TEX19: variants seen among roughly 807,000 people sequenced by gnomAD.
The protein encoded by TEX19 is testis-expressed protein 19.
For synonymous variants in TEX19, 77 were observed against 73.9 expected (o/e 1.04, Z -0.21); for missense variants, 184 against 194.4 (o/e 0.95, Z 0.32).
chr17:82,361,915 A>G lies in TEX19; in HGVS notation c.-236A>G. On this transcript the variant is annotated 5_prime_UTR_variant, in exon 2 of 2. Coordinates refer to ENST00000333437, the MANE Select transcript of TEX19 (RefSeq NM_207459.4). ...ACCACAGCAACTGCAGAAGCTGAAG[A>G]CATTTCCAGAAGTTCAAGCTTCCAC... The G allele has an allele frequency of 2.7e-6, 2 of 743,658 alleles. No homozygotes were observed. Among genetic ancestry groups the G allele is most frequent in the East Asian group, 3.2e-5 (1 of 31,528 alleles). The allele number at this position is 743,658 out of a possible 1,614,324, so 46.1% of individuals were successfully genotyped here. A position where few individuals can be genotyped will look rare whatever the true frequency, so the allele number is the denominator to read the frequency against.
rs1294350206 is a variant in TEX19, at chr17:82,362,103, A to G, written c.-48A>G. ...GGCCAGACCGTCCAAGATCCTCTGA[A>G]GGCCCAGCTCTTGCTGTCCACCCCG... On this transcript the variant is annotated 5_prime_UTR_variant, in exon 2 of 2. Coordinates refer to ENST00000333437, the MANE Select transcript of TEX19 (RefSeq NM_207459.4). The surrounding 1 kb of genome is among the most constrained non-coding windows in gnomAD (Gnocchi z 5.5). 3 of 1,560,216 alleles carry G rather than the reference A, an allele frequency of 1.9e-6. No individual in the cohort carries two copies. The highest frequency in any genetic ancestry group is 1.7e-6 in the Non-Finnish European group (2 of 1,157,094).
At chr17:82,359,437 GGTTCTCCAAGTTCCCTCAAA>G (rs1348165122) in intron 1 of TEX19, among the ~76,000 whole-genome samples, 152 bp downstream of exon 1, 73 of 138,362 alleles carry the variant, frequency 5.3e-4, no homozygotes, top group African/African-American at 1.9e-3. Flanking sequence ...GGTTCCCTAA[GGTTCTCCAAGTTCCCTCAAA>G]TTTCCCTCAG....
chr17:82,360,756 G>A (rs1353894989), intron 1 of TEX19, among the ~76,000 whole-genome samples: 2 of 88,240 alleles, frequency 2.3e-5, no homozygotes, highest in Admixed American at 1.2e-4. Context: ...GTTTCCCTCA[G>A]GTTCCCCCAG....
chr17:82,362,125 C>T lies in TEX19; in HGVS notation c.-26C>T. Reference sequence around the variant, plus strand: ...TGAAGGCCCAGCTCTTGCTGTCCACCCCGGCAGTAGGCAGGCAGCCTGGCC... The same window carrying T: ...TGAAGGCCCAGCTCTTGCTGTCCACTCCGGCAGTAGGCAGGCAGCCTGGCC... On this transcript the variant is annotated 5_prime_UTR_variant, in exon 2 of 2. Coordinates refer to ENST00000333437, the MANE Select transcript of TEX19 (RefSeq NM_207459.4). This position sits in a 1 kb window ranked among gnomAD's most constrained non-coding sequence, Gnocchi z 5.5. The T allele has an allele frequency of 6.3e-7, 1 of 1,578,886 alleles. No individual in the cohort carries two copies. Among genetic ancestry groups the T allele is most frequent in the South Asian group, 1.2e-5 (1 of 83,910 alleles).
Position 82,362,137 on chromosome 17 carries a change from C to CA in TEX19, c.-13dup. ...TCTTGCTGTCCACCCCGGCAGTAGG[C>CA]AGGCAGCCTGGCCATGTGCCCTCCG... On this transcript the variant is annotated 5_prime_UTR_variant, in exon 2 of 2. Coordinates refer to ENST00000333437, the MANE Select transcript of TEX19 (RefSeq NM_207459.4). This position sits in a 1 kb window ranked among gnomAD's most constrained non-coding sequence, Gnocchi z 5.5. 2.5e-6 allele frequency: 4 copies of CA among 1,588,334 alleles called. No individual in the cohort carries two copies. Among genetic ancestry groups the CA allele is most frequent in the African/African-American group, 1.3e-5 (1 of 74,792 alleles).
intron 1 of TEX19, chr17:82,361,577 C>T (rs1336448411): frequency 1.0e-6 from 1 of 977,558 alleles, no homozygotes; most frequent in African/African-American, 1.8e-5. Flanking sequence ...CAGTTTCCTT[C>T]AGGTTCCCTC....
At chr17:82,361,239 T>G (rs796789980) in intron 1 of TEX19, among the ~76,000 whole-genome samples, 3 of 43,934 alleles carry the variant, frequency 6.8e-5, no homozygotes, top group African/African-American at 2.3e-4. Context: ...TTTCCCCCAG[T>G]TTCCCTCAAG....
chr17:82,359,294 T>G lies in TEX19; in HGVS notation c.-272+9T>G, dbSNP rs1014780245. On this transcript the variant is annotated intron_variant, in intron 1 of 1. Coordinates refer to ENST00000333437, the MANE Select transcript of TEX19 (RefSeq NM_207459.4). ...ACAGAGACACCAGGATGGTGAGATC[T>G]CCCGAGGAGGGGTCTCTGAGGAGGG... is the stretch of plus-strand genomic sequence containing the variant. 1.3e-5 allele frequency: 2 copies of G among 152,050 alleles called. No individual in the cohort carries two copies. The highest frequency in any genetic ancestry group is 2.9e-5 in the Non-Finnish European group (2 of 68,014). 9.4% of individuals were successfully genotyped at this position (152,050 alleles called of 1,614,324 possible). A position where few individuals can be genotyped will look rare whatever the true frequency, so the allele number is the denominator to read the frequency against.
Position 82,361,624 on chromosome 17 carries a change from C to T in TEX19, c.-271-256C>T. 9 of 985,356 alleles carry T rather than the reference C, an allele frequency of 9.1e-6. No homozygotes were observed. The South Asian group carries it at 3.8e-4, about 41-fold the overall frequency. 61.0% of individuals were successfully genotyped at this position (985,356 alleles called of 1,614,324 possible). A position where few individuals can be genotyped will look rare whatever the true frequency, so the allele number is the denominator to read the frequency against. ...GGTCCCCTCAGGCTCTGCCAGTTTCCCTCATGTTCCCCCAGGTTCTGTCAG... is the reference window on the plus strand; with the variant it reads ...GGTCCCCTCAGGCTCTGCCAGTTTCTCTCATGTTCCCCCAGGTTCTGTCAG... On this transcript the variant is annotated intron_variant, in intron 1 of 1. Coordinates refer to ENST00000333437, the MANE Select transcript of TEX19 (RefSeq NM_207459.4).
intron 1 of TEX19, among the ~76,000 whole-genome samples, chr17:82,359,821 T>C (rs1384998060): frequency 1.1e-4 from 11 of 102,448 alleles, no homozygotes; most frequent in Non-Finnish European, 1.5e-4. Context: ...CCAGTTTCCC[T>C]CAGGTTCCCC....
Position 82,362,878 on chromosome 17 carries a change from T to A in TEX19, c.*233T>A. 1 of 515,708 alleles carries A rather than the reference T, an allele frequency of 1.9e-6. No homozygotes were observed. The highest frequency in any genetic ancestry group is 3.4e-6 in the Non-Finnish European group (1 of 291,922). The allele number at this position is 515,708 out of a possible 1,614,324, so 31.9% of individuals were successfully genotyped here. A position where few individuals can be genotyped will look rare whatever the true frequency, so the allele number is the denominator to read the frequency against. On this transcript the variant is annotated 3_prime_UTR_variant, in exon 2 of 2. Coordinates refer to ENST00000333437, the MANE Select transcript of TEX19 (RefSeq NM_207459.4). The surrounding 1 kb of genome is among the most constrained non-coding windows in gnomAD (Gnocchi z 5.5). ...CTGGAGCCTGGTGAAGTGTGGGTGG[T>A]GAGACTCCAAGATGCACCCCAAGAG...
chr17:82,359,439 TTCTCCAAG>T (rs1294684347), intron 1 of TEX19, among the ~76,000 whole-genome samples, 154 bp downstream of exon 1: 1,568 of 141,588 alleles, frequency 0.011, 12 homozygotes, highest in African/African-American at 0.021. Context: ...TTCCCTAAGG[TTCTCCAAG>T]TTCCCTCAAA....
rs2052395569 is a variant in TEX19 at position 82,361,636 on chromosome 17, C to T, written c.-271-244C>T. 4 of 985,312 alleles carry T rather than the reference C, an allele frequency of 4.1e-6. No individual in the cohort carries two copies. The South Asian group carries it at 1.9e-4, about 46-fold the overall frequency. The allele number at this position is 985,312 out of a possible 1,614,324, so 61.0% of individuals were successfully genotyped here. A position where few individuals can be genotyped will look rare whatever the true frequency, so the allele number is the denominator to read the frequency against. ...CTCTGCCAGTTTCCCTCATGTTCCC[C>T]CAGGTTCTGTCAGGTGAAGCTGATG... On this transcript the variant is annotated intron_variant, in intron 1 of 1. Coordinates refer to ENST00000333437, the MANE Select transcript of TEX19 (RefSeq NM_207459.4).
chr17:82,362,785 C>T lies in TEX19; in HGVS notation c.*140C>T. 2 of 1,088,972 alleles carry T rather than the reference C, an allele frequency of 1.8e-6. No homozygotes were observed. The highest frequency in any genetic ancestry group is 1.3e-6 in the Non-Finnish European group (1 of 780,880). The allele number at this position is 1,088,972 out of a possible 1,614,324, so 67.5% of individuals were successfully genotyped here. ...GTCTCCATGGTGGGCTGCTATGATA[C>T]CATCTACCTACAGAAGATGACCCCA... On this transcript the variant is annotated 3_prime_UTR_variant, in exon 2 of 2. Transcript: ENST00000333437. The surrounding 1 kb of genome is among the most constrained non-coding windows in gnomAD (Gnocchi z 5.5).
chr17:82,359,915 AGTTTC>A (rs2052367742), intron 1 of TEX19, among the ~76,000 whole-genome samples: 3 of 103,014 alleles, frequency 2.9e-5, no homozygotes, highest in African/African-American at 1.3e-4. Flanking sequence ...AGGTTCCCCC[AGTTTC>A]CCTCAGTTTC....
rs1244669833 is a variant in TEX19, at chr17:82,363,470, T to C, written c.*825T>C. 1 of 167,004 alleles carries C rather than the reference T, an allele frequency of 6.0e-6. No homozygotes were observed. The highest frequency in any genetic ancestry group is 6.5e-5 in the Admixed American group (1 of 15,284). 10.3% of individuals were successfully genotyped at this position (167,004 alleles called of 1,614,324 possible). ...TTGGCCTGAATGGCTGTTGTGCTGC[T>C]TGTGACATGGGGGGCAGGGCACAGA... On this transcript the variant is annotated 3_prime_UTR_variant, in exon 2 of 2. Coordinates refer to ENST00000333437, the MANE Select transcript of TEX19 (RefSeq NM_207459.4).
At chr17:82,360,161 GTTCCCTCAGT>G (rs1452178549) in intron 1 of TEX19, among the ~76,000 whole-genome samples, 1 of 29,460 alleles carries the variant, frequency 3.4e-5, no homozygotes. Flanking sequence ...TTTCCCTCAG[GTTCCCTCAGT>G]TTCCCTCAGG....
intron 1 of TEX19, among the ~76,000 whole-genome samples, chr17:82,359,905 A>G (rs1169735901): frequency 1.6e-5 from 2 of 122,210 alleles, no homozygotes; most frequent in East Asian, 5.1e-4. Context: ...AGTTTCCCTC[A>G]GGTTCCCCCA....
chr17:82,362,622 T>G lies in TEX19; in HGVS notation c.472T>G (p.Trp158Gly). 2 of 1,555,380 alleles carry G rather than the reference T, an allele frequency of 1.3e-6. No homozygotes were observed. The highest frequency in any genetic ancestry group is 1.7e-6 in the Non-Finnish European group (2 of 1,157,234). Reference sequence around the variant, plus strand: ...TGAGGAGCTTCTTACCTGCTCACACTGGCCAAGCTTCTTTCCTTCATAGCA... The same window carrying G: ...TGAGGAGCTTCTTACCTGCTCACACGGGCCAAGCTTCTTTCCTTCATAGCA... Reference protein sequence around the residue: ...RFEELLTCSHWPSFFPS With the variant: ...RFEELLTCSHGPSFFPS The change falls in exon 2 of 2, where the codon TGG becomes GGG. Residue 158 changes from tryptophan (W) to glycine (G), a missense_variant. By Grantham distance (184) the Trp-to-Gly change is radical. Transcript: ENST00000333437. This position sits in a 1 kb window ranked among gnomAD's most constrained non-coding sequence, Gnocchi z 5.5.
Sources: gnomAD v4.1 joint callset for allele counts (sites outside exome capture counted in the v4.1 genomes callset) on GRCh38, gnomAD v4.1.1 for gene constraint, Gnocchi (gnomAD v3.1) non-coding constraint, MANE v1.5 for transcripts, NCBI Gene and HGNC (gene_info 2026-07-23, HGNC 2026-07-21) for gene names.